The following CFAP69 variants were observed in gnomAD, a reference collection of about 807,000 sequenced individuals.
CFAP69 encodes cilia and flagella associated protein 69.
CFAP69 carries 92 observed loss-of-function variants against 123.0 expected under a neutral mutation model. The ratio of observed to expected loss-of-function variants is 0.75; its 90% CI spans 0.63 to 0.89. The LOEUF (loss-of-function observed/expected upper bound fraction) is 0.89. Ranked by LOEUF, CFAP69 falls within the 40% of genes least tolerant of loss-of-function variation. The pLI is 0.00. For synonymous variants in CFAP69, 380 were observed against 364.3 expected, an observed-to-expected ratio of 1.04 and a Z score of -0.49; for missense variants, 1,067 against 1,096.9, an observed-to-expected ratio of 0.97 and a Z score of 0.39.
chr7:90,307,959 G>A (rs543455534), intron 21 of CFAP69, 105 bp downstream of exon 21: 21 of 657,996 alleles, frequency 3.2e-5, no homozygotes, highest in Admixed American at 3.1e-4. Context: ...TGACCTTTCC[G>A]TACAATACCA....
chr7:90,269,145 A>G (rs1339119787), intron 6 of CFAP69, among the ~76,000 whole-genome samples: 1 of 152,138 alleles, frequency 6.6e-6, no homozygotes, highest in Admixed American at 6.6e-5. Context: ...AAACAAAAAA[A>G]TGGAACAGCA....
At chr7:90,292,253 C>T (rs186507555) in intron 15 of CFAP69, among the ~76,000 whole-genome samples, 6 of 152,268 alleles carry the variant, frequency 3.9e-5, no homozygotes, top group Admixed American at 3.9e-4. Flanking sequence ...TTTGTACCCT[C>T]ACATACCTAA....
chr7:90,286,518 T>C (rs1326202754), intron 14 of CFAP69, 119 bp downstream of exon 14: 16 of 1,027,106 alleles, frequency 1.6e-5, no homozygotes, highest in Non-Finnish European at 4.2e-6. Flanking sequence ...TTGTTAATAA[T>C]TAGAGCATAA....
At chr7:90,295,584 C>T (rs1281443741) in intron 15 of CFAP69, among the ~76,000 whole-genome samples, 5 of 152,140 alleles carry the variant, frequency 3.3e-5, no homozygotes, top group Non-Finnish European at 5.9e-5. Flanking sequence ...TCACTATTGT[C>T]CCTTCCATGG....
At chr7:90,268,007 C>G (rs1799397012) in intron 5 of CFAP69, among the ~76,000 whole-genome samples, 1 of 152,138 alleles carries the variant, frequency 6.6e-6, no homozygotes, top group African/African-American at 2.4e-5. Context: ...CAGTCTGGTT[C>G]TAGCATTTGT....
At chr7:90,289,579 T>G (rs554182013) in intron 15 of CFAP69, among the ~76,000 whole-genome samples, 1 of 152,282 alleles carries the variant, frequency 6.6e-6, no homozygotes, top group East Asian at 1.9e-4. Context: ...AGGCTTACAT[T>G]TTCACTCTCT....
intron 3 of CFAP69, among the ~76,000 whole-genome samples, chr7:90,259,006 G>A (rs970672502): frequency 3.3e-5 from 5 of 152,136 alleles, no homozygotes; most frequent in Admixed American, 3.3e-4. Context: ...GATTAGATGA[G>A]ATCATGTACA....
rs529163694 is a variant in CFAP69 at position 90,275,512 on chromosome 7, C to A, written c.984+1402C>A. Among the ~76,000 whole-genome samples, 277 of 151,510 alleles carry A rather than the reference C, an allele frequency of 1.8e-3. 1 individual carries two copies. Among genetic ancestry groups the A allele is most frequent in the Non-Finnish European group, 3.2e-3 (220 of 67,878 alleles). On this transcript the variant is annotated intron_variant, in intron 9 of 22. Transcript: ENST00000389297. ...TGCCTCTGCCCTCTGGTTCTTCAGG[C>A]CACTAAGACCACAGGGTTACTCTGA...
In CFAP69 at chr7:90,299,977, A is replaced by G; in HGVS notation, c.1968A>G (p.Thr656=). 3 of 1,611,922 alleles carry G rather than the reference A, an allele frequency of 1.9e-6. No homozygotes were observed. Among genetic ancestry groups the G allele is most frequent in the Non-Finnish European group, 2.5e-6 (3 of 1,179,060 alleles). Residue 656 remains threonine, a synonymous_variant, in exon 17 of 23, where the codon ACA becomes ACG. Coordinates refer to ENST00000389297, the MANE Select transcript of CFAP69 (RefSeq NM_001039706.3). ...VNAWQGKKDQ[T]AASLLIKLWR... is the part of the protein sequence containing the mutation. ...CTTGGCAAGGGAAGAAGGATCAGAC[A>G]GCTGCTAGTCTTTTAATTAAATTGT...
the CFAP69 span, chr7:90,317,462 T>C: frequency 6.9e-6 from 1 of 144,252 alleles, no homozygotes; most frequent in South Asian, 2.2e-4. Flanking sequence ...GATCCACCCT[T>C]AATTGGCAAG....
At chr7:90,250,040 AG>A (rs1239769746) in intron 1 of CFAP69, among the ~76,000 whole-genome samples, 1 of 152,136 alleles carries the variant, frequency 6.6e-6, no homozygotes, top group African/African-American at 2.4e-5. Flanking sequence ...CCTTGTTTAT[AG>A]GGTTTTTGCA....
At chr7:90,323,325 A>G in the CFAP69 span, among the ~76,000 whole-genome samples, 1 of 152,186 alleles carries the variant, frequency 6.6e-6, no homozygotes, top group Non-Finnish European at 1.5e-5. Context: ...CTCCAGGGAA[A>G]AGGCGGATGG....
At chr7:90,313,760 A>C (rs1794527529), downstream of CFAP69, among the ~76,000 whole-genome samples, 2 of 152,232 alleles carry the variant, frequency 1.3e-5, no homozygotes, top group South Asian at 4.1e-4. Context: ...CCATACAAAG[A>C]ATTCTAAATG....
At chr7:90,301,124 A>G (rs539738182) in intron 17 of CFAP69, 2 of 152,006 alleles carry the variant, frequency 1.3e-5, no homozygotes, top group East Asian at 3.9e-4. Flanking sequence ...ACGTGCCACC[A>G]TACCCAGCTA....
intron 20 of CFAP69, 130 bp downstream of exon 20, chr7:90,307,228 G>GT: frequency 2.9e-6 from 2 of 694,988 alleles, no homozygotes; most frequent in Non-Finnish European, 5.0e-6. Context: ...ATAATTTATT[G>GT]TACATTTCAA....
intron 15 of CFAP69, among the ~76,000 whole-genome samples, chr7:90,294,886 G>GGGGAA (rs1791702590): frequency 6.6e-6 from 1 of 152,304 alleles, no homozygotes; most frequent in South Asian, 2.1e-4. Flanking sequence ...TTTGCACAGA[G>GGGGAA]GGGAAGGGAA....
intron 15 of CFAP69, among the ~76,000 whole-genome samples, chr7:90,295,155 C>A (rs1356445986): frequency 6.6e-6 from 1 of 152,134 alleles, no homozygotes. Flanking sequence ...AAGTGCAAGG[C>A]AGATTATTCC....
chr7:90,315,342 A>G (rs543847529), downstream of CFAP69, among the ~76,000 whole-genome samples: 8 of 152,342 alleles, frequency 5.3e-5, no homozygotes, highest in African/African-American at 1.9e-4. Context: ...TAGCAAAGAC[A>G]TGGAATCAAC....
rs765095299 is a variant in CFAP69 at position 90,300,076 on chromosome 7, T to C, written c.2050+17T>C. ...AGATCATTGGTGAGTATATTTATAA[T>C]TGTTAGTAGAAGCAATTAATGTATA... On this transcript the variant is annotated intron_variant, in intron 17 of 22. Coordinates refer to ENST00000389297, the MANE Select transcript of CFAP69 (RefSeq NM_001039706.3). The C allele has an allele frequency of 4.2e-5, 64 of 1,520,950 alleles. No homozygotes were observed. The Admixed American group carries it at 1.1e-3, about 26-fold the overall frequency. 94.2% of individuals were successfully genotyped at this position (1,520,950 alleles called of 1,614,324 possible).
Sources: gnomAD v4.1 joint callset for allele counts (sites outside exome capture counted in the v4.1 genomes callset) on GRCh38, gnomAD v4.1.1 for gene constraint, MANE v1.5 for transcripts, NCBI Gene and HGNC (gene_info 2026-07-23, HGNC 2026-07-21) for gene names.